Variants in RBFOX1 observed in about 807,000 individuals in gnomAD.
RBFOX1 encodes the protein RNA binding fox-1 homolog 1, also known as RNA binding protein fox-1 homolog 1.
Under a neutral mutation model 57.7 loss-of-function variants are expected in RBFOX1, and 8 were observed. The ratio of observed to expected loss-of-function variants is 0.14; its 90% CI spans 0.08 to 0.25. RBFOX1 has a LOEUF of 0.25. RBFOX1 is among the 10% of genes least tolerant of loss of function. The probability of loss-of-function intolerance (pLI) is 1.00; values close to 1 mark genes in which losing one functional copy is unlikely to be tolerated. For missense variants in RBFOX1, 611 were observed against 548.5 expected (o/e 1.11, Z -1.14); for synonymous variants, 326 against 222.4 (o/e 1.47, Z -4.15).
chr16:6,265,301 A>T (rs2074338016), intron 1 of RBFOX1, among the ~76,000 whole-genome samples: 1 of 151,872 alleles, frequency 6.6e-6, no homozygotes, highest in African/African-American at 2.4e-5. Flanking sequence ...TTGCTTTGTC[A>T]CCTAGGCTGG....
chr16:5,815,156 ATT>A (rs71142650), intron 3 of RBFOX1, among the ~76,000 whole-genome samples: 2 of 114,220 alleles, frequency 1.8e-5, no homozygotes, highest in African/African-American at 3.5e-5. Context: ...ATTTAATTTA[ATT>A]TTTTTTTTTT....
intron 3 of RBFOX1, among the ~76,000 whole-genome samples, chr16:5,864,216 C>T (rs1397642637): frequency 3.9e-5 from 6 of 152,304 alleles, no homozygotes; most frequent in Admixed American, 3.9e-4. Flanking sequence ...CATCGATGTC[C>T]CTGCGAAGTC....
At chr16:6,807,589 A>G (rs180997181) in intron 3 of RBFOX1, among the ~76,000 whole-genome samples, 2 of 152,200 alleles carry the variant, frequency 1.3e-5, no homozygotes, top group South Asian at 4.2e-4. Flanking sequence ...AGCCTGAGGC[A>G]GGCAGATCAC....
At chr16:5,536,493 C>T (rs949440446) in intron 2 of RBFOX1, among the ~76,000 whole-genome samples, 5 of 152,056 alleles carry the variant, frequency 3.3e-5, no homozygotes, top group African/African-American at 9.7e-5. Context: ...GCCTTGGCCT[C>T]CCAAAGTGCT....
At chr16:6,262,208 C>G (rs1197854797) in intron 1 of RBFOX1, among the ~76,000 whole-genome samples, 2 of 152,138 alleles carry the variant, frequency 1.3e-5, no homozygotes, top group African/African-American at 4.8e-5. Context: ...TTTCGGCCAT[C>G]ATACCCTCAT....
intron 3 of RBFOX1, among the ~76,000 whole-genome samples, chr16:6,767,537 A>C (rs7191073): frequency 0.11 from 17,088 of 152,044 alleles, 1,280 homozygotes; most frequent in African/African-American, 0.21. Flanking sequence ...CTCACCCCCA[A>C]AAAAATTCTG....
At chr16:6,973,157 G>C (rs577496237) in intron 3 of RBFOX1, among the ~76,000 whole-genome samples, 2 of 150,874 alleles carry the variant, frequency 1.3e-5, no homozygotes, top group East Asian at 2.0e-4. Flanking sequence ...TTTAAAAATA[G>C]AGACAAGGCC....
chr16:5,658,945 C>A (rs1421693468), intron 3 of RBFOX1, among the ~76,000 whole-genome samples: 1 of 151,452 alleles, frequency 6.6e-6, no homozygotes, highest in Non-Finnish European at 1.5e-5. Context: ...ATTGCTTTTA[C>A]GTATTTGCAA....
chr16:7,694,054 A>ATT (rs2078031071), intron 14 of RBFOX1, among the ~76,000 whole-genome samples: 1 of 152,178 alleles, frequency 6.6e-6, no homozygotes, highest in Non-Finnish European at 1.5e-5. Flanking sequence ...AGAACAGTTA[A>ATT]ATTTGTACTT....
Position 6,091,392 on chromosome 16 carries a change from C to G in RBFOX1, c.-127+71400C>G, listed in dbSNP as rs556347647. ...CATTGTCATACTCTCTCAACACACT[C>G]TTATTTCTCTTTATAGAGGTCACCA... On this transcript the variant is annotated intron_variant, in intron 1 of 15. Transcript: ENST00000550418. 3.9e-5 allele frequency among the ~76,000 whole-genome samples: 6 copies of G among 152,350 alleles called. No individual in the cohort carries two copies. The South Asian group carries it at 1.0e-3, about 26-fold the overall frequency.
chr16:6,086,971 G>T (rs1437854434), intron 1 of RBFOX1, among the ~76,000 whole-genome samples: 1 of 152,168 alleles, frequency 6.6e-6, no homozygotes, highest in Non-Finnish European at 1.5e-5. Context: ...GAGTCACAAA[G>T]CTGTAGCAAC....
rs1370406583 is a variant in RBFOX1 at position 7,251,057 on chromosome 16, A to G, written c.27+198959A>G. ...TCTTCCAGTGATTTTCAAGAACATG[A>G]TACATGTCATTAACTATAGTCACCA... On this transcript the variant is annotated intron_variant, in intron 4 of 15. Transcript: ENST00000550418. 2.6e-5 allele frequency among the ~76,000 whole-genome samples: 4 copies of G among 152,274 alleles called. No individual in the cohort carries two copies. The South Asian group carries it at 6.2e-4, about 24-fold the overall frequency.
At chr16:6,905,259 TAAAA>T (rs905061942) in intron 3 of RBFOX1, among the ~76,000 whole-genome samples, 2 of 151,518 alleles carry the variant, frequency 1.3e-5, no homozygotes, top group African/African-American at 4.8e-5. Context: ...AAAAAAAAAT[TAAAA>T]AAAAGAATGG....
chr16:7,022,013 T>TTCCCCCTCTCCCTCCCCCC (rs1568408211), intron 3 of RBFOX1, among the ~76,000 whole-genome samples: 1 of 12,696 alleles, frequency 7.9e-5, no homozygotes, highest in Admixed American at 1.1e-3. Flanking sequence ...TCCCTCCCCT[T>TTCCCCCTCTCCCTCCCCCC]CCCTTCCCCC....
intron 2 of RBFOX1, among the ~76,000 whole-genome samples, chr16:6,359,227 G>A (rs1426142584): frequency 6.6e-6 from 1 of 152,104 alleles, no homozygotes; most frequent in African/African-American, 2.4e-5. Flanking sequence ...TGAGTAGCTG[G>A]GATGACGGGT....
At chr16:6,344,239 C>A (rs978069443) in intron 2 of RBFOX1, among the ~76,000 whole-genome samples, 1 of 151,734 alleles carries the variant, frequency 6.6e-6, no homozygotes, top group Admixed American at 6.6e-5. Flanking sequence ...TTAGTAGACA[C>A]GGGGTTTCAC....
intron 1 of RBFOX1, among the ~76,000 whole-genome samples, chr16:6,091,469 T>C (rs1204994944): frequency 2.0e-5 from 3 of 152,220 alleles, no homozygotes; most frequent in African/African-American, 7.2e-5. Context: ...GTGAGCGGTC[T>C]ATATCTATTT....
At chr16:6,127,437 C>T (rs1057162195) in intron 1 of RBFOX1, among the ~76,000 whole-genome samples, 5 of 151,912 alleles carry the variant, frequency 3.3e-5, no homozygotes, top group Admixed American at 6.6e-5. Context: ...TATGCCAAGC[C>T]CTGACGTAGG....
intron 4 of RBFOX1, among the ~76,000 whole-genome samples, chr16:5,941,109 A>T (rs1054189646): frequency 4.6e-5 from 7 of 152,180 alleles, no homozygotes; most frequent in Non-Finnish European, 1.0e-4. Context: ...CCAGTAAAGT[A>T]GTTTAATAGC....
Sources: allele counts gnomAD v4.1 joint callset (sites outside exome capture counted in the v4.1 genomes callset), GRCh38; gene constraint gnomAD v4.1.1; transcripts MANE v1.5; gene names NCBI Gene and HGNC (gene_info 2026-07-23, HGNC 2026-07-21).